DLEU7: variants seen among roughly 807,000 people sequenced by gnomAD.
The protein encoded by DLEU7 is deleted in lymphocytic leukemia 7.
A neutral mutation model predicts 16.0 loss-of-function variants in DLEU7; 17 were observed. The observed-to-expected ratio is 1.06, with a 90% CI of 0.73 to 1.59. The LOEUF (loss-of-function observed/expected upper bound fraction) is 1.59. DLEU7 is among the 40% of genes most tolerant of loss of function. The probability of loss-of-function intolerance (pLI) is 0.00; values close to 1 mark genes in which losing one functional copy is unlikely to be tolerated. For missense variants in DLEU7, 308 were observed against 314.9 expected, an observed-to-expected ratio of 0.98 and a Z score of 0.17; for synonymous variants, 113 against 139.8, an observed-to-expected ratio of 0.81 and a Z score of 1.35.
chr13:50,814,703 ACACT>A (rs1321051275), intron 1 of DLEU7, among the ~76,000 whole-genome samples: 11 of 144,320 alleles, frequency 7.6e-5, no homozygotes, highest in African/African-American at 2.9e-4. Flanking sequence ...ACACACACAC[ACACT>A]CGCATGAAAA....
chr13:50,805,550 T>C, intron 1 of DLEU7, among the ~76,000 whole-genome samples: 1 of 152,342 alleles, frequency 6.6e-6, no homozygotes, highest in South Asian at 2.1e-4. Flanking sequence ...GTTTGATTTT[T>C]TTATATATTT....
chr13:50,734,731 A>G, intron 1 of DLEU7, among the ~76,000 whole-genome samples: 1 of 152,164 alleles, frequency 6.6e-6, no homozygotes, highest in East Asian at 1.9e-4. Flanking sequence ...GTTAATATCT[A>G]AAAGTCTGCC....
chr13:50,731,358 A>C, intron 1 of DLEU7, among the ~76,000 whole-genome samples: 1 of 152,170 alleles, frequency 6.6e-6, no homozygotes, highest in East Asian at 1.9e-4. Context: ...AAGGCCCTCC[A>C]CTGGCAACAT....
chr13:50,843,643 C>A lies in DLEU7; in HGVS notation c.4G>T (p.Ala2Ser). The A allele has an allele frequency of 6.6e-7, 1 of 1,507,440 alleles. No individual in the cohort carries two copies. The highest frequency in any genetic ancestry group is 2.7e-5 in the East Asian group (1 of 36,726). The allele number at this position is 1,507,440 out of a possible 1,614,324, so 93.4% of individuals were successfully genotyped here. The change falls in exon 1 of 2, where the codon GCC (alanine) becomes TCC (serine). Residue 2 changes from alanine (A) to serine (S), a missense_variant. Ala to Ser is a moderately conservative substitution (Grantham distance 99, BLOSUM62 1). Transcript: ENST00000504404. This position sits in a 1 kb window ranked among gnomAD's most constrained non-coding sequence, Gnocchi z 5.7. ...GAGGCCACTAAGGGCGCAGGGCTGG[C>A]CATCGCCTCCGCTGGCGGCCCGGCG... MASPAPLVASIS... is the reference protein window; with the variant it reads MSSPAPLVASIS...
chr13:50,826,955 A>AAAAGGGC (rs1250627247), intron 1 of DLEU7, among the ~76,000 whole-genome samples: 1 of 152,332 alleles, frequency 6.6e-6, no homozygotes, highest in East Asian at 1.9e-4. Flanking sequence ...GCTCTCATTT[A>AAAAGGGC]AAAGGGCAGA....
At chr13:50,753,637 G>A (rs1399248529) in intron 1 of DLEU7, among the ~76,000 whole-genome samples, 1 of 152,148 alleles carries the variant, frequency 6.6e-6, no homozygotes, top group African/African-American at 2.4e-5. Flanking sequence ...CCCGGAACTC[G>A]CACTGGCCCG....
intron 1 of DLEU7, among the ~76,000 whole-genome samples, chr13:50,748,026 C>T (rs1325705040): frequency 6.6e-6 from 1 of 152,204 alleles, no homozygotes; most frequent in Non-Finnish European, 1.5e-5. Context: ...AAACACCCAA[C>T]TAGACCATGC....
intron 1 of DLEU7, among the ~76,000 whole-genome samples, chr13:50,747,238 G>A (rs960490143): frequency 1.3e-5 from 2 of 151,948 alleles, no homozygotes; most frequent in African/African-American, 4.8e-5. Context: ...ATTGGGGAAA[G>A]GAGTGGACTT....
chr13:50,795,460 A>G (rs1400755174), intron 1 of DLEU7, among the ~76,000 whole-genome samples: 2 of 152,216 alleles, frequency 1.3e-5, no homozygotes, highest in Non-Finnish European at 2.9e-5. Context: ...TCTTCATTCC[A>G]GCAAGTTCTG....
chr13:50,773,746 A>C (rs967084172), intron 1 of DLEU7, among the ~76,000 whole-genome samples: 6 of 152,280 alleles, frequency 3.9e-5, no homozygotes, highest in Non-Finnish European at 7.4e-5. Flanking sequence ...CCACTTGAGG[A>C]GGCAGTCTGC....
Position 50,795,260 on chromosome 13 carries a change from C to T in DLEU7, c.459+47928G>A, listed in dbSNP as rs79423413. Reference sequence around the variant, plus strand: ...TCAGCCAAACAGATCCTCTTGGGCTCCAGTGGCCTCCTCCCCAACTTTACC... The same window carrying T: ...TCAGCCAAACAGATCCTCTTGGGCTTCAGTGGCCTCCTCCCCAACTTTACC... On this transcript the variant is annotated intron_variant, in intron 1 of 1. Transcript: ENST00000400393. Among the ~76,000 whole-genome samples the T allele has an allele frequency of 5.1e-3, 783 of 152,228 alleles. 2 individuals are homozygous for T. Among genetic ancestry groups the T allele is most frequent in the African/African-American group, 0.018 (736 of 41,540 alleles).
intron 1 of DLEU7, among the ~76,000 whole-genome samples, chr13:50,718,520 A>G (rs918015196): frequency 6.6e-6 from 1 of 152,146 alleles, no homozygotes; most frequent in Non-Finnish European, 1.5e-5. Flanking sequence ...CAGAATGGAG[A>G]CCCAAACTAG....
chr13:50,786,466 T>C (rs368583104), intron 1 of DLEU7, among the ~76,000 whole-genome samples: 1 of 152,174 alleles, frequency 6.6e-6, no homozygotes, highest in Non-Finnish European at 1.5e-5. Flanking sequence ...ACCTGCCACA[T>C]AGTAGCAGCT....
At chr13:50,772,362 G>A (rs1009763580) in intron 1 of DLEU7, among the ~76,000 whole-genome samples, 4 of 152,100 alleles carry the variant, frequency 2.6e-5, no homozygotes, top group African/African-American at 7.2e-5. Flanking sequence ...TCCTAGCCTC[G>A]ATGGTCTTCA....
At chr13:50,828,869 C>G (rs1187444152) in intron 1 of DLEU7, among the ~76,000 whole-genome samples, 1 of 152,180 alleles carries the variant, frequency 6.6e-6, no homozygotes, top group Non-Finnish European at 1.5e-5. Flanking sequence ...ATACCATGCT[C>G]AAGGATTCGC....
At chr13:50,749,386 T>G (rs1489327269) in intron 1 of DLEU7, among the ~76,000 whole-genome samples, 1 of 152,200 alleles carries the variant, frequency 6.6e-6, no homozygotes, top group Non-Finnish European at 1.5e-5. Flanking sequence ...CAAATTGTGT[T>G]GCTATAAACA....
chr13:50,778,745 T>A (rs1448166221), intron 1 of DLEU7, among the ~76,000 whole-genome samples: 1 of 152,222 alleles, frequency 6.6e-6, no homozygotes, highest in East Asian at 1.9e-4. Flanking sequence ...AACAAAACCC[T>A]GTCTGGGCAA....
At chr13:50,842,036 G>A (rs1877680957) in intron 1 of DLEU7, among the ~76,000 whole-genome samples, 4 of 151,924 alleles carry the variant, frequency 2.6e-5, no homozygotes, top group African/African-American at 4.8e-5. Context: ...AGGTAGAGGC[G>A]AGAGATGCTG....
At chr13:50,750,733 A>G (rs1425940305) in intron 1 of DLEU7, among the ~76,000 whole-genome samples, 4 of 152,048 alleles carry the variant, frequency 2.6e-5, no homozygotes, top group Non-Finnish European at 5.9e-5. Context: ...TCTTGATTTG[A>G]TTCTCTTCTT....
Sources: gnomAD v4.1 joint callset for allele counts (sites outside exome capture counted in the v4.1 genomes callset) on GRCh38, gnomAD v4.1.1 for gene constraint, Gnocchi (gnomAD v3.1) non-coding constraint, MANE v1.5 for transcripts, NCBI Gene and HGNC (gene_info 2026-07-23, HGNC 2026-07-21) for gene names.